The following SLC35F2 variants were observed in gnomAD, a reference collection of about 807,000 sequenced individuals.
SLC35F2 encodes the protein queuine/queuosine transporter SLC35F2.
SLC35F2 carries 25 observed loss-of-function variants against 38.1 expected under a neutral mutation model. That is an observed-to-expected ratio of 0.66 (90% CI 0.48 to 0.92). The LOEUF (loss-of-function observed/expected upper bound fraction) is 0.92, where lower values mean the gene tolerates loss of function less well. Ranked by LOEUF, SLC35F2 falls within the 40% of genes least tolerant of loss-of-function variation. The probability of loss-of-function intolerance (pLI) is 0.00; values close to 1 mark genes in which losing one functional copy is unlikely to be tolerated. For missense variants in SLC35F2, 409 were observed against 452.9 expected (o/e 0.90, Z 0.88); for synonymous variants, 173 against 181.7 (o/e 0.95, Z 0.38).
chr11:107,818,117 A>G (rs1002305682), intron 1 of SLC35F2, among the ~76,000 whole-genome samples: 1 of 147,874 alleles, frequency 6.8e-6, no homozygotes, highest in African/African-American at 2.6e-5. Context: ...AGAAAGAAAG[A>G]AAGAAAGAAA....
intron 1 of SLC35F2, chr11:107,823,288 C>T (rs532168103): frequency 9.9e-4 from 831 of 835,498 alleles, no homozygotes; most frequent in Admixed American, 1.4e-3. Context: ...TCCAAGTGAC[C>T]GATAAGATGC....
chr11:107,806,997 TTGC>T, intron 3 of SLC35F2, 121 bp from the exon 4 acceptor site: 4 of 840,432 alleles, frequency 4.8e-6, no homozygotes, highest in Non-Finnish European at 7.3e-6. Flanking sequence ...GCATTTATTA[TTGC>T]CAGCCCTGTA....
At chr11:107,808,126 G>C (rs1046811899) in intron 3 of SLC35F2, among the ~76,000 whole-genome samples, 4 of 152,302 alleles carry the variant, frequency 2.6e-5, no homozygotes, top group African/African-American at 9.6e-5. Context: ...ATGGGTTACT[G>C]TGAGAGAACA....
intron 7 of SLC35F2, among the ~76,000 whole-genome samples, chr11:107,797,406 A>C (rs1262856348): frequency 6.6e-6 from 1 of 152,132 alleles, no homozygotes; most frequent in Non-Finnish European, 1.5e-5. Context: ...CAAGCAAGCT[A>C]GCTTGGCACA....
chr11:107,839,893 T>A (rs1159644414), intron 1 of SLC35F2, among the ~76,000 whole-genome samples: 1 of 152,288 alleles, frequency 6.6e-6, no homozygotes, highest in African/African-American at 2.4e-5. Context: ...CCTCAGGTGA[T>A]CCCCCTGCCT....
At chr11:107,794,183 C>T (rs913932500) in intron 7 of SLC35F2, among the ~76,000 whole-genome samples, 4 of 151,150 alleles carry the variant, frequency 2.6e-5, no homozygotes, top group South Asian at 2.1e-4. Context: ...CGGGTTCAAG[C>T]GATTCTTCTG....
chr11:107,821,712 C>T lies in SLC35F2; in HGVS notation c.111-5747G>A, dbSNP rs151071315. The T allele has an allele frequency of 1.7e-4, 130 of 743,050 alleles. 1 individual carries two copies. The African/African-American group carries it at 2.1e-3, about 12-fold the overall frequency. The allele number at this position is 743,050 out of a possible 1,614,324, so 46.0% of individuals were successfully genotyped here. A position where few individuals can be genotyped will look rare whatever the true frequency, so the allele number is the denominator to read the frequency against. On this transcript the variant is annotated intron_variant, in intron 1 of 7. Coordinates refer to ENST00000525815, the MANE Select transcript of SLC35F2 (RefSeq NM_017515.5). ...TCTGACCTTGGGATATATCCTGTCC[C>T]GGTTTTACTAACGGAACCTCCACTA...
chr11:107,827,441 C>T (rs1219274534), intron 1 of SLC35F2, among the ~76,000 whole-genome samples: 1 of 151,790 alleles, frequency 6.6e-6, no homozygotes, highest in Non-Finnish European at 1.5e-5. Flanking sequence ...AGGGTGAAAC[C>T]CCATCTCTAC....
chr11:107,826,441 T>G (rs934876759), intron 1 of SLC35F2, among the ~76,000 whole-genome samples: 22 of 152,136 alleles, frequency 1.4e-4, no homozygotes, highest in African/African-American at 5.3e-4. Flanking sequence ...ATAGGGTTTC[T>G]CCATGTTGGT....
intron 7 of SLC35F2, among the ~76,000 whole-genome samples, chr11:107,794,777 G>C (rs1278529868): frequency 2.0e-5 from 3 of 152,164 alleles, no homozygotes; most frequent in Non-Finnish European, 4.4e-5. Context: ...CCTCTCTGTA[G>C]ATGACATGAT....
At chr11:107,837,701 A>T (rs1391236975) in intron 1 of SLC35F2, among the ~76,000 whole-genome samples, 1 of 152,078 alleles carries the variant, frequency 6.6e-6, no homozygotes, top group Non-Finnish European at 1.5e-5. Flanking sequence ...CTCAAAATAA[A>T]AATAAAAAAG....
chr11:107,806,545 A>G, intron 4 of SLC35F2, 172 bp downstream of exon 4: 1 of 628,262 alleles, frequency 1.6e-6, no homozygotes, highest in Non-Finnish European at 2.9e-6. Flanking sequence ...CATAGACCTC[A>G]ATTAGATTTT....
chr11:107,818,889 C>T (rs937540665), intron 1 of SLC35F2, among the ~76,000 whole-genome samples: 4 of 152,210 alleles, frequency 2.6e-5, no homozygotes, highest in African/African-American at 9.6e-5. Flanking sequence ...GCCTGTAATT[C>T]CAGCACTTTG....
At chr11:107,810,599 G>C in intron 3 of SLC35F2, 2 of 985,168 alleles carry the variant, frequency 2.0e-6, no homozygotes, top group Non-Finnish European at 2.4e-6. Context: ...CGAAACTTTA[G>C]GTTCTTTTTG....
chr11:107,844,962 C>A (rs1248471495), intron 1 of SLC35F2, among the ~76,000 whole-genome samples: 1 of 138,290 alleles, frequency 7.2e-6, no homozygotes, highest in African/African-American at 2.7e-5. Context: ...GGCAACAGAG[C>A]GAGACTCCAT....
At chr11:107,845,075 T>A (rs1406373969) in intron 1 of SLC35F2, among the ~76,000 whole-genome samples, 2 of 151,630 alleles carry the variant, frequency 1.3e-5, no homozygotes, top group Admixed American at 6.6e-5. Context: ...ACTCAACAAA[T>A]GTTATTATTA....
At chr11:107,803,465 A>C in intron 6 of SLC35F2, 1 of 979,572 alleles carries the variant, frequency 1.0e-6, no homozygotes, top group South Asian at 4.7e-5. Flanking sequence ...CCCTGCCAGG[A>C]CAGCGATGCC....
intron 2 of SLC35F2, 54 bp downstream of exon 2, chr11:107,815,736 G>A: frequency 6.5e-7 from 1 of 1,536,440 alleles, no homozygotes. Flanking sequence ...TACTTTTCTA[G>A]TAATTTTTAT....
At chr11:107,801,279 A>G (rs1287046751) in intron 7 of SLC35F2, among the ~76,000 whole-genome samples, 1 of 152,200 alleles carries the variant, frequency 6.6e-6, no homozygotes. Context: ...CAAGTGCACA[A>G]TGAAATGTTC....
Sources: gnomAD v4.1 joint callset for allele counts (sites outside exome capture counted in the v4.1 genomes callset) on GRCh38, gnomAD v4.1.1 for gene constraint, MANE v1.5 for transcripts, NCBI Gene and HGNC (gene_info 2026-07-23, HGNC 2026-07-21) for gene names.